The following CNTNAP2 variants were observed in gnomAD, a reference collection of about 807,000 sequenced individuals.
CNTNAP2 encodes contactin-associated protein-like 2.
A neutral mutation model predicts 155.2 loss-of-function variants in CNTNAP2; 98 were observed. The ratio of observed to expected loss-of-function variants is 0.63; its 90% CI spans 0.54 to 0.75. CNTNAP2 has a LOEUF of 0.75. Among genes scored for constraint, CNTNAP2 ranks in the 30% least tolerant of loss-of-function variants. CNTNAP2 has a pLI of 0.00. For synonymous variants in CNTNAP2, 651 were observed against 631.2 expected, an observed-to-expected ratio of 1.03 and a Z score of -0.47; for missense variants, 1,727 against 1,688.1, an observed-to-expected ratio of 1.02 and a Z score of -0.40.
chr7:146,296,794 C>A (rs17170028), intron 1 of CNTNAP2, among the ~76,000 whole-genome samples: 3,327 of 151,952 alleles, frequency 0.022, 144 homozygotes, highest in African/African-American at 0.076. Flanking sequence ...ATACCGAGAT[C>A]CAGATGAAAT....
At chr7:147,258,653 A>T (rs1351399769) in intron 8 of CNTNAP2, among the ~76,000 whole-genome samples, 1 of 152,176 alleles carries the variant, frequency 6.6e-6, no homozygotes, top group Non-Finnish European at 1.5e-5. Context: ...AGAGTCGAAG[A>T]TCAGGGGTGC....
At chr7:147,028,925 A>T in intron 3 of CNTNAP2, among the ~76,000 whole-genome samples, 1 of 151,836 alleles carries the variant, frequency 6.6e-6, no homozygotes, top group Non-Finnish European at 1.5e-5. Context: ...AAGCAATCAC[A>T]GATCAAATAG....
intron 1 of CNTNAP2, among the ~76,000 whole-genome samples, chr7:146,226,080 C>G (rs575189642): frequency 6.6e-6 from 1 of 152,230 alleles, no homozygotes; most frequent in Admixed American, 6.5e-5. Context: ...TAGAACAATT[C>G]CCAACTTGAA....
At chr7:147,220,963 C>T (rs1803384607) in intron 8 of CNTNAP2, among the ~76,000 whole-genome samples, 1 of 152,130 alleles carries the variant, frequency 6.6e-6, no homozygotes, top group Admixed American at 6.5e-5. Context: ...CTGCCTGCCT[C>T]CTCCTCCCAA....
At chr7:147,182,054 G>A (rs1287786840) in intron 8 of CNTNAP2, among the ~76,000 whole-genome samples, 5 of 150,344 alleles carry the variant, frequency 3.3e-5, no homozygotes, top group East Asian at 2.0e-4. Flanking sequence ...GAATCCAGGA[G>A]GCAGATGATC....
At position 146,380,879 on chromosome 7, in the gene CNTNAP2, G is replaced by A. The variant is rs574458725; in HGVS notation, c.97+263906G>A. 4.1e-3 allele frequency among the ~76,000 whole-genome samples: 526 copies of A among 127,266 alleles called. 3 individuals carry two copies. Among genetic ancestry groups the A allele is most frequent in the Non-Finnish European group, 6.2e-3 (393 of 63,774 alleles). 83.5% of individuals were successfully genotyped at this position (127,266 alleles called of 152,430 possible). ...GTGGCGCAATCTCGGCTCACTGCAG[G>A]CTCCGCCCCCTGGGGTTCACGCCAT... On this transcript the variant is annotated intron_variant, in intron 1 of 23. Coordinates refer to ENST00000361727, the MANE Select transcript of CNTNAP2 (RefSeq NM_014141.6).
At chr7:147,179,624 A>C (rs917646863) in intron 8 of CNTNAP2, among the ~76,000 whole-genome samples, 1 of 152,174 alleles carries the variant, frequency 6.6e-6, no homozygotes, top group Non-Finnish European at 1.5e-5. Flanking sequence ...GTAGGTAATT[A>C]GTCTTATCAA....
intron 9 of CNTNAP2, among the ~76,000 whole-genome samples, chr7:147,363,455 G>T (rs1362197153): frequency 6.6e-6 from 1 of 152,210 alleles, no homozygotes; most frequent in African/African-American, 2.4e-5. Context: ...TATAAAGACA[G>T]TTACACAGTT....
At chr7:148,051,255 A>C (rs1802884244) in intron 15 of CNTNAP2, among the ~76,000 whole-genome samples, 1 of 152,206 alleles carries the variant, frequency 6.6e-6, no homozygotes, top group South Asian at 2.1e-4. Flanking sequence ...TTTTGTATTA[A>C]GTTGGCCTAT....
chr7:148,250,147 T>G (rs954729493), intron 20 of CNTNAP2, among the ~76,000 whole-genome samples: 7 of 152,228 alleles, frequency 4.6e-5, no homozygotes, highest in Non-Finnish European at 8.8e-5. Flanking sequence ...TCTGCCTGAG[T>G]GTTCTTTCCC....
intron 12 of CNTNAP2, among the ~76,000 whole-genome samples, chr7:147,574,868 G>A (rs1316836868): frequency 1.3e-5 from 2 of 152,008 alleles, no homozygotes; most frequent in Non-Finnish European, 2.9e-5. Flanking sequence ...CAGCCACAAG[G>A]CTTAGGAGAC....
At chr7:146,247,061 G>A (rs928743665) in intron 1 of CNTNAP2, among the ~76,000 whole-genome samples, 1 of 152,192 alleles carries the variant, frequency 6.6e-6, no homozygotes, top group African/African-American at 2.4e-5. Flanking sequence ...TGTATTTAAT[G>A]TCGGGAGCAG....
At chr7:147,323,467 A>G (rs543659687) in intron 9 of CNTNAP2, among the ~76,000 whole-genome samples, 9 of 148,998 alleles carry the variant, frequency 6.0e-5, no homozygotes, top group South Asian at 4.4e-4. Context: ...CTGTTCTTTT[A>G]CATTTGCTGA....
At chr7:146,548,354 A>T (rs940749877) in intron 1 of CNTNAP2, among the ~76,000 whole-genome samples, 1 of 151,818 alleles carries the variant, frequency 6.6e-6, no homozygotes, top group African/African-American at 2.4e-5. Context: ...CATTTTCTTT[A>T]TCTGGTCTAT....
chr7:148,366,828 A>C (rs965078717), intron 21 of CNTNAP2, among the ~76,000 whole-genome samples: 16 of 152,140 alleles, frequency 1.1e-4, no homozygotes, highest in African/African-American at 3.6e-4. Flanking sequence ...ATGACCCCAA[A>C]AAAAAAAGGC....
At chr7:147,223,804 G>C (rs1204666459) in intron 8 of CNTNAP2, among the ~76,000 whole-genome samples, 2 of 151,832 alleles carry the variant, frequency 1.3e-5, no homozygotes, top group Non-Finnish European at 2.9e-5. Flanking sequence ...AGCTGGGTGT[G>C]GTGGCACACA....
intron 1 of CNTNAP2, among the ~76,000 whole-genome samples, chr7:146,449,954 A>C (rs368994349): frequency 2.0e-5 from 3 of 152,294 alleles, no homozygotes; most frequent in African/African-American, 7.2e-5. Context: ...ACTGACATCC[A>C]ATCTGCCTAG....
intron 10 of CNTNAP2, among the ~76,000 whole-genome samples, chr7:147,455,665 T>A (rs903810180): frequency 1.3e-5 from 2 of 152,040 alleles, no homozygotes; most frequent in Non-Finnish European, 2.9e-5. Flanking sequence ...ATTTCATCAA[T>A]GAAAAATCTG....
chr7:146,616,176 C>T (rs1799220560), intron 1 of CNTNAP2, among the ~76,000 whole-genome samples: 1 of 151,676 alleles, frequency 6.6e-6, no homozygotes, highest in Non-Finnish European at 1.5e-5. Flanking sequence ...AGAAATGAAA[C>T]GGGAGTTGAG....
Sources: allele counts gnomAD v4.1 joint callset (sites outside exome capture counted in the v4.1 genomes callset), GRCh38; gene constraint gnomAD v4.1.1; transcripts MANE v1.5; gene names NCBI Gene and HGNC (gene_info 2026-07-23, HGNC 2026-07-21).